The following GSE1 variants were observed in gnomAD, a reference collection of about 807,000 sequenced individuals.
GSE1 encodes the protein Gse1 coiled-coil protein.
GSE1 carries 32 observed loss-of-function variants against 112.6 expected under a neutral mutation model. The observed-to-expected ratio is 0.28, with a 90% confidence interval of 0.21 to 0.38. GSE1 has a LOEUF of 0.38. Among genes scored for constraint, GSE1 ranks in the 10% least tolerant of loss-of-function variants. The pLI is 1.00. For synonymous variants in GSE1, 1,115 were observed against 735.6 expected (o/e 1.52, Z -8.35); for missense variants, 2,348 against 1,699.2 (o/e 1.38, Z -6.71).
intron 1 of GSE1, among the ~76,000 whole-genome samples, chr16:85,315,956 A>C (rs981321376): frequency 6.6e-6 from 1 of 152,186 alleles, no homozygotes; most frequent in Non-Finnish European, 1.5e-5. Context: ...GAGCAGGACC[A>C]GGCTGGAGGG....
At chr16:85,192,899 C>T (rs1012672090) in intron 1 of GSE1, among the ~76,000 whole-genome samples, 8 of 152,204 alleles carry the variant, frequency 5.3e-5, no homozygotes, top group Non-Finnish European at 5.9e-5. Flanking sequence ...TAAATGCCCT[C>T]GCAAACAAGA....
At chr16:85,222,487 G>A (rs574204499) in intron 1 of GSE1, among the ~76,000 whole-genome samples, 2 of 152,316 alleles carry the variant, frequency 1.3e-5, no homozygotes, top group South Asian at 4.1e-4. Context: ...CGTGCCTGAC[G>A]GTTCACACCA....
At chr16:85,590,671 T>C (rs1180278387) in intron 1 of GSE1, among the ~76,000 whole-genome samples, 3 of 152,120 alleles carry the variant, frequency 2.0e-5, no homozygotes, top group Non-Finnish European at 4.4e-5. Context: ...ATGTGTGATA[T>C]GTGAATGTGT....
intron 1 of GSE1, among the ~76,000 whole-genome samples, chr16:85,614,376 G>T (rs1234289224): frequency 1.3e-5 from 2 of 152,194 alleles, no homozygotes; most frequent in Non-Finnish European, 2.9e-5. Flanking sequence ...GAGGCGGAGC[G>T]GGAGTGGAGC....
chr16:85,342,019 C>A (rs1408052028), intron 1 of GSE1, among the ~76,000 whole-genome samples: 1 of 152,090 alleles, frequency 6.6e-6, no homozygotes, highest in African/African-American at 2.4e-5. Context: ...TGCCTGCCGT[C>A]CCTCCACAGG....
intron 2 of GSE1, chr16:85,359,408 C>G: frequency 2.2e-6 from 1 of 456,040 alleles, no homozygotes; most frequent in Non-Finnish European, 4.4e-6. Flanking sequence ...AGATGGACCC[C>G]TAGGCGGAGT....
At chr16:85,169,971 C>T in exon 1 of GSE1, 2 of 984,578 alleles carry the variant, frequency 2.0e-6, no homozygotes, top group Non-Finnish European at 2.4e-6. Context: ...GCGCCACCGG[C>T]GACGACGACG....
intron 2 of GSE1, among the ~76,000 whole-genome samples, chr16:85,459,009 G>A (rs927078212): frequency 2.0e-5 from 3 of 152,166 alleles, no homozygotes; most frequent in Admixed American, 6.5e-5. Flanking sequence ...AGTATTGGCC[G>A]CTTTCGCTCC....
At chr16:85,483,948 T>G (rs959456792) in intron 2 of GSE1, among the ~76,000 whole-genome samples, 2 of 152,078 alleles carry the variant, frequency 1.3e-5, no homozygotes, top group African/African-American at 4.8e-5. Flanking sequence ...GTGGGGGACT[T>G]TCAGACCTAA....
rs1269013078 is a variant in GSE1 at position 85,666,361 on chromosome 16, C to T, written c.3130+14C>T. 6.2e-7 allele frequency: 1 copy of T among 1,612,958 alleles called. No homozygotes were observed. Among genetic ancestry groups the T allele is most frequent in the Non-Finnish European group, 8.5e-7 (1 of 1,179,918 alleles). On this transcript the variant is annotated intron_variant, in intron 13 of 15. Coordinates refer to ENST00000253458, the MANE Select transcript of GSE1 (RefSeq NM_014615.5). ...AGAAGCATAAAGGTAATGAGGCTGCCAGTCCCTGCTCAGCTCTCGGCTGTG... is the reference window on the plus strand; with the variant it reads ...AGAAGCATAAAGGTAATGAGGCTGCTAGTCCCTGCTCAGCTCTCGGCTGTG...
chr16:85,583,235 T>C (rs1296910302), intron 1 of GSE1: 1 of 152,210 alleles, frequency 6.6e-6, no homozygotes, highest in Non-Finnish European at 1.5e-5. Context: ...TGGGGGTTCC[T>C]TCTAGGATCC....
At chr16:85,553,948 A>G (rs2045066466), upstream of GSE1, among the ~76,000 whole-genome samples, 1 of 152,178 alleles carries the variant, frequency 6.6e-6, no homozygotes, top group African/African-American at 2.4e-5. Flanking sequence ...CAGGAACCCA[A>G]GCCTGGTGTG....
In GSE1 at chr16:85,425,321, A is replaced by G. The variant is rs139316112; in HGVS notation, c.2464+67678A>G. Among the ~76,000 whole-genome samples the G allele has an allele frequency of 2.5e-3, 382 of 152,296 alleles. 2 individuals carry two copies. The highest frequency in any genetic ancestry group is 8.0e-3 in the African/African-American group (333 of 41,568). Reference sequence around the variant, plus strand: ...GATGCACGGGTGATGTGAGGTGGTGACAGCAGGAAGCAGCCCCACCCCCAG... The same window carrying G: ...GATGCACGGGTGATGTGAGGTGGTGGCAGCAGGAAGCAGCCCCACCCCCAG... On this transcript the variant is annotated intron_variant, in intron 2 of 2. Transcript: ENST00000637419.
At chr16:85,362,588 G>A (rs1035030552) in intron 2 of GSE1, among the ~76,000 whole-genome samples, 1 of 152,212 alleles carries the variant, frequency 6.6e-6, no homozygotes, top group Non-Finnish European at 1.5e-5. Context: ...TTCTGGTAGC[G>A]TGGTGTCAGT....
Position 85,262,039 on chromosome 16 carries a change from A to G in GSE1, c.2283+90232A>G, listed in dbSNP as rs544861414. On this transcript the variant is annotated intron_variant, in intron 1 of 2. Coordinates refer to the GSE1 transcript ENST00000637419. Reference sequence around the variant, plus strand: ...GGTGAGGTGACTTGCCCCAGGTCACACAGGTTGCAAAGGACAGAGCCTGTT... The same window carrying G: ...GGTGAGGTGACTTGCCCCAGGTCACGCAGGTTGCAAAGGACAGAGCCTGTT... Among the ~76,000 whole-genome samples the G allele has an allele frequency of 2.0e-5, 3 of 152,314 alleles. No individual in the cohort carries two copies. In the South Asian group the frequency reaches 6.2e-4, roughly 32 times the overall value.
intron 1 of GSE1, among the ~76,000 whole-genome samples, chr16:85,356,913 G>T (rs2046961630): frequency 6.6e-6 from 1 of 152,220 alleles, no homozygotes; most frequent in South Asian, 2.1e-4. Context: ...CGGCGGCCCA[G>T]TCTGGAAGAG....
intron 1 of GSE1, among the ~76,000 whole-genome samples, chr16:85,565,406 C>CAA (rs71153804): frequency 1.4e-5 from 2 of 141,944 alleles, no homozygotes; most frequent in African/African-American, 5.6e-5. Flanking sequence ...AAAAAAAAAA[C>CAA]AAAAAAAAAC....
chr16:85,334,424 G>A (rs146342196), intron 1 of GSE1, among the ~76,000 whole-genome samples: 1 of 152,204 alleles, frequency 6.6e-6, no homozygotes, highest in South Asian at 2.1e-4. Context: ...CCAAGGTCCC[G>A]CACTTGGGCC....
intron 1 of GSE1, among the ~76,000 whole-genome samples, chr16:85,305,629 T>C (rs1173981465): frequency 1.3e-5 from 2 of 152,114 alleles, no homozygotes; most frequent in Non-Finnish European, 2.9e-5. Context: ...ATTACAGGCA[T>C]GCACCACCAT....
Sources: gnomAD v4.1 joint callset for allele counts (sites outside exome capture counted in the v4.1 genomes callset) on GRCh38, gnomAD v4.1.1 for gene constraint, MANE v1.5 for transcripts, NCBI Gene and HGNC (gene_info 2026-07-23, HGNC 2026-07-21) for gene names.